DPH6: variants seen among roughly 807,000 people sequenced by gnomAD.
The protein encoded by DPH6 is diphthamine biosynthesis 6.
Under a neutral mutation model 38.2 loss-of-function variants are expected in DPH6, and 33 were observed. The observed-to-expected ratio is 0.86, with a 90% CI of 0.65 to 1.15. DPH6 has a LOEUF of 1.15. Among genes scored for constraint, DPH6 ranks in the 50% most tolerant of loss-of-function variants. The probability of loss-of-function intolerance (pLI) is 0.00; values close to 1 mark genes in which losing one functional copy is unlikely to be tolerated. For missense variants in DPH6, 325 were observed against 320.0 expected, an observed-to-expected ratio of 1.02 and a Z score of -0.12; for synonymous variants, 108 against 103.0, an observed-to-expected ratio of 1.05 and a Z score of -0.30.
At chr15:35,186,022 C>T in the DPH6 span, among the ~76,000 whole-genome samples, 1 of 152,150 alleles carries the variant, frequency 6.6e-6, no homozygotes, top group Non-Finnish European at 1.5e-5. Context: ...GTGTGAGCCA[C>T]TGCGCCCGGC....
At chr15:35,488,441 T>C (rs557628951) in intron 3 of DPH6, among the ~76,000 whole-genome samples, 2 of 152,270 alleles carry the variant, frequency 1.3e-5, no homozygotes, top group South Asian at 2.1e-4. Flanking sequence ...TCTCAAAACT[T>C]AGAATCACAG....
intron 3 of DPH6, among the ~76,000 whole-genome samples, chr15:35,251,314 A>G (rs996493232): frequency 1.3e-5 from 2 of 152,158 alleles, no homozygotes; most frequent in Non-Finnish European, 2.9e-5. Flanking sequence ...CATCAATTCT[A>G]CATCAGAAAT....
intron 3 of DPH6, among the ~76,000 whole-genome samples, chr15:35,285,561 T>C (rs1479023492): frequency 6.6e-6 from 1 of 152,196 alleles, no homozygotes. Context: ...AGTAAATTAG[T>C]TTCTTTCTTT....
chr15:35,298,181 C>A, intron 3 of DPH6: 1 of 436,120 alleles, frequency 2.3e-6, no homozygotes, highest in Non-Finnish European at 4.4e-6. Context: ...GACCTTTTTC[C>A]TTCTTTTCTC....
At chr15:35,160,010 C>T in the DPH6 span, among the ~76,000 whole-genome samples, 1 of 151,858 alleles carries the variant, frequency 6.6e-6, no homozygotes, top group Non-Finnish European at 1.5e-5. Flanking sequence ...TATACACGGA[C>T]ACAAAGATGG....
At chr15:35,544,242 A>C (rs1360988391) in intron 1 of DPH6, among the ~76,000 whole-genome samples, 1 of 152,168 alleles carries the variant, frequency 6.6e-6, no homozygotes, top group Non-Finnish European at 1.5e-5. Context: ...GATAATCCTC[A>C]AAATAACATT....
intron 6 of DPH6, among the ~76,000 whole-genome samples, chr15:35,382,853 A>AG (rs1472156993): frequency 1.3e-5 from 2 of 151,014 alleles, no homozygotes; most frequent in African/African-American, 4.9e-5. Flanking sequence ...ATTAAAAAAA[A>AG]GAAAAAAAAA....
intron 7 of DPH6, among the ~76,000 whole-genome samples, chr15:35,375,488 T>C (rs1306072142): frequency 6.6e-6 from 1 of 152,128 alleles, no homozygotes; most frequent in African/African-American, 2.4e-5. Context: ...CAAGGAACTC[T>C]GGTCTCTGCT....
chr15:35,411,571 G>T (rs2053367565), intron 5 of DPH6, among the ~76,000 whole-genome samples: 1 of 151,554 alleles, frequency 6.6e-6, no homozygotes, highest in Admixed American at 6.6e-5. Flanking sequence ...TAGGTAATGG[G>T]GTGTGGGAGA....
chr15:35,273,968 A>G (rs1038068335), intron 3 of DPH6, among the ~76,000 whole-genome samples: 3 of 152,246 alleles, frequency 2.0e-5, no homozygotes, highest in East Asian at 1.9e-4. Context: ...AGCAAAAAGA[A>G]CAAAGCTGGA....
At chr15:35,518,728 T>C (rs1348647130) in intron 3 of DPH6, among the ~76,000 whole-genome samples, 2 of 152,010 alleles carry the variant, frequency 1.3e-5, no homozygotes, top group African/African-American at 4.8e-5. Flanking sequence ...ACTTTTAAAA[T>C]CCAAAGTGCA....
At chr15:35,283,550 C>T (rs2051917513) in intron 3 of DPH6, among the ~76,000 whole-genome samples, 1 of 152,006 alleles carries the variant, frequency 6.6e-6, no homozygotes, top group Admixed American at 6.6e-5. Flanking sequence ...CCGCTTTGGC[C>T]TCCCAAAGTG....
intron 5 of DPH6, among the ~76,000 whole-genome samples, chr15:35,413,899 T>C (rs1433821984): frequency 4.0e-5 from 6 of 151,698 alleles, no homozygotes; most frequent in Non-Finnish European, 5.9e-5. Context: ...CAGAATGCTA[T>C]AGAGTGAATT....
chr15:35,514,461 A>G (rs1381776081), intron 3 of DPH6, among the ~76,000 whole-genome samples: 1 of 152,254 alleles, frequency 6.6e-6, no homozygotes, highest in South Asian at 2.1e-4. Context: ...TATCTGATAA[A>G]TAAGATGATG....
intron 3 of DPH6, among the ~76,000 whole-genome samples, chr15:35,221,893 C>A (rs2051445549): frequency 6.6e-6 from 1 of 152,174 alleles, no homozygotes; most frequent in Non-Finnish European, 1.5e-5. Context: ...AGCCATGCAG[C>A]ACCCTCAATA....
chr15:35,206,058 A>G, the DPH6 span, among the ~76,000 whole-genome samples: 1 of 152,154 alleles, frequency 6.6e-6, no homozygotes, highest in Non-Finnish European at 1.5e-5. Context: ...AAGCAATGGT[A>G]GTAGAAGTTT....
intron 3 of DPH6, among the ~76,000 whole-genome samples, chr15:35,356,053 C>T (rs1297235784): frequency 1.3e-5 from 2 of 152,154 alleles, no homozygotes; most frequent in African/African-American, 4.8e-5. Context: ...ATCATTGATA[C>T]CCTTTCTTCC....
At chr15:35,422,735 C>T (rs2053521686) in intron 5 of DPH6, among the ~76,000 whole-genome samples, 1 of 151,898 alleles carries the variant, frequency 6.6e-6, no homozygotes, top group South Asian at 2.1e-4. Flanking sequence ...TCCTCTCCAT[C>T]CTCTGGTAAC....
chr15:35,487,149 T>C (rs1238851866), intron 3 of DPH6, among the ~76,000 whole-genome samples: 3 of 152,180 alleles, frequency 2.0e-5, no homozygotes, highest in African/African-American at 4.8e-5. Flanking sequence ...TGGGCTGGTG[T>C]TGAGTGCCTG....
Sources: gnomAD v4.1 joint callset for allele counts (sites outside exome capture counted in the v4.1 genomes callset) on GRCh38, gnomAD v4.1.1 for gene constraint, MANE v1.5 for transcripts, NCBI Gene and HGNC (gene_info 2026-07-23, HGNC 2026-07-21) for gene names.